Variants in DLG5 observed in about 807,000 individuals in gnomAD.
The protein encoded by DLG5 is disks large homolog 5.
DLG5 carries 48 observed loss-of-function variants against 189.8 expected under a neutral mutation model. The observed-to-expected ratio is 0.25, with a 90% CI of 0.20 to 0.32. The LOEUF (loss-of-function observed/expected upper bound fraction) is 0.32. Ranked by LOEUF, DLG5 falls within the 10% of genes least tolerant of loss-of-function variation. The pLI, the probability that DLG5 is intolerant of heterozygous loss-of-function variation, is 1.00. For missense variants in DLG5, 2,160 were observed against 2,544.7 expected (o/e 0.85, Z 3.25); for synonymous variants, 1,016 against 1,054.1 (o/e 0.96, Z 0.70).
chr10:77,926,431 G>C lies in DLG5; in HGVS notation c.90C>G (p.Leu30=), dbSNP rs371440440. Reference sequence around the variant, plus strand: ...CGGGACTGAGCGCTCCCGCGGCCTCGAGCAGCCCGAGCACGGCTTCCACCT... The same window carrying C: ...CGGGACTGAGCGCTCCCGCGGCCTCCAGCAGCCCGAGCACGGCTTCCACCT... ...MTEVEAVLGL[L]EAAGALSPGE... The change falls in exon 1 of 32, where the codon CTC becomes CTG. Residue 30 remains leucine (L), a synonymous_variant. Coordinates refer to ENST00000372391, the MANE Select transcript of DLG5 (RefSeq NM_004747.4). This position sits in a 1 kb window ranked among gnomAD's most constrained non-coding sequence, Gnocchi z 5.2. 10 of 1,567,264 alleles carry C rather than the reference G, an allele frequency of 6.4e-6. No individual in the cohort carries two copies. In the African/African-American group the frequency reaches 9.6e-5, roughly 15 times the overall value.
At chr10:77,798,877 G>A (rs1218211086) in intron 27 of DLG5, among the ~76,000 whole-genome samples, 1 of 152,162 alleles carries the variant, frequency 6.6e-6, no homozygotes, top group Non-Finnish European at 1.5e-5. Flanking sequence ...ACTGAGATGG[G>A]AAGATGCTAA....
intron 5 of DLG5, among the ~76,000 whole-genome samples, chr10:77,852,621 T>C (rs1413102245): frequency 6.6e-6 from 1 of 151,988 alleles, no homozygotes; most frequent in Non-Finnish European, 1.5e-5. Flanking sequence ...TTCGCCATGT[T>C]AGGATGGTCT....
At chr10:77,838,450 TC>T (rs947816556) in intron 7 of DLG5, among the ~76,000 whole-genome samples, 1 of 151,924 alleles carries the variant, frequency 6.6e-6, no homozygotes, top group African/African-American at 2.4e-5. Flanking sequence ...AGGATATCTC[TC>T]CCCTGGGAGC....
chr10:77,812,039 G>A lies in DLG5; in HGVS notation c.4207C>T (p.Arg1403Trp). The change falls in exon 22 of 32, where the codon CGG becomes TGG. Residue 1403 changes from arginine (R) to tryptophan (W), a missense_variant. Coordinates refer to ENST00000372391, the MANE Select transcript of DLG5 (RefSeq NM_004747.4). ...QLLEFNGINL[R>W]SATEQQARLI... is the part of the protein sequence containing the mutation. ...CGCGCCTGCTGCTCCGTGGCGCTCC[G>A]CAGGTTTATGCCGTTGAACTGGGGA... 1 of 1,610,402 alleles carries A rather than the reference G, an allele frequency of 6.2e-7. No individual in the cohort carries two copies. The highest frequency in any genetic ancestry group is 8.5e-7 in the Non-Finnish European group (1 of 1,179,996).
intron 1 of DLG5, among the ~76,000 whole-genome samples, chr10:77,882,238 T>C (rs1224601408): frequency 1.3e-5 from 2 of 152,234 alleles, no homozygotes; most frequent in African/African-American, 2.4e-5. Flanking sequence ...TGGATGGACA[T>C]GGGCTCCCTC....
At chr10:77,861,730 T>C (rs7903035) in intron 2 of DLG5, among the ~76,000 whole-genome samples, 1,555 of 152,286 alleles carry the variant, frequency 0.01, 29 homozygotes, top group African/African-American at 0.035. Flanking sequence ...ACTACATGGC[T>C]AGGAAAATGG....
Position 77,820,931 on chromosome 10 carries a change from G to A in DLG5, c.3402+151C>T. ...ACGCCACTTACCTACCTCCTAGCTG[G>A]GCCACTTCCCACTTGAGTCCAACAG... On this transcript the variant is annotated intron_variant, in intron 15 of 31. Coordinates refer to ENST00000372391, the MANE Select transcript of DLG5 (RefSeq NM_004747.4). 6 of 998,846 alleles carry A rather than the reference G, an allele frequency of 6.0e-6. No homozygotes were observed. In the South Asian group the frequency reaches 9.2e-5, roughly 15 times the overall value. 61.9% of individuals were successfully genotyped at this position (998,846 alleles called of 1,614,324 possible). A position where few individuals can be genotyped will look rare whatever the true frequency, so the allele number is the denominator to read the frequency against.
intron 13 of DLG5, chr10:77,824,775 G>A (rs1842537449): frequency 3.1e-6 from 1 of 326,064 alleles, no homozygotes; most frequent in African/African-American, 2.1e-5. Context: ...CCGGCCATGT[G>A]GCGTGGGACC....
intron 6 of DLG5, 98 bp from the exon 7 acceptor site, chr10:77,842,291 A>T: frequency 7.1e-7 from 1 of 1,408,024 alleles, no homozygotes; most frequent in South Asian, 1.4e-5. Flanking sequence ...TGTGCTGGAC[A>T]GTCAAGCGTG....
chr10:77,830,677 G>A, intron 10 of DLG5, 64 bp downstream of exon 10: 1 of 1,588,660 alleles, frequency 6.3e-7, no homozygotes. Context: ...GATACTGCAA[G>A]CGGGTCACCG....
intron 15 of DLG5, 63 bp from the exon 16 acceptor site, chr10:77,820,081 C>T: frequency 1.9e-6 from 3 of 1,600,168 alleles, no homozygotes; most frequent in Non-Finnish European, 2.5e-6. Flanking sequence ...CGCAGTGGCT[C>T]ACACCTATAA....
chr10:77,819,562 T>A (rs566012538), intron 16 of DLG5, 97 bp from the exon 17 acceptor site: 16 of 1,457,088 alleles, frequency 1.1e-5, no homozygotes, highest in Middle Eastern at 2.5e-4. Context: ...GCAGCCGCAG[T>A]CTTTTGGGAA....
At chr10:77,838,438 C>T (rs74140377) in intron 7 of DLG5, among the ~76,000 whole-genome samples, 8 of 152,184 alleles carry the variant, frequency 5.3e-5, no homozygotes, top group South Asian at 2.1e-4. Flanking sequence ...GGGGAGCTCC[C>T]GAGGATATCT....
At position 77,835,929 on chromosome 10, in the gene DLG5, G is replaced by A. The variant is rs775918571; in HGVS notation, c.1438-7C>T. On this transcript the variant is annotated splice_polypyrimidine_tract_variant and splice_region_variant and intron_variant, in intron 7 of 31. Transcript: ENST00000372391. The stretch of plus-strand genomic sequence containing the variant: ...TTGTCACCGTGTCTTTGATCTGGTG[G>A]GAGCAAGGGGCAGGAAGAGGGAGAG... 1 of 1,606,542 alleles carries A rather than the reference G, an allele frequency of 6.2e-7. No individual in the cohort carries two copies. Among genetic ancestry groups the A allele is most frequent in the South Asian group, 1.1e-5 (1 of 90,794 alleles).
chr10:77,810,972 A>C (rs1193762486), intron 23 of DLG5, 122 bp downstream of exon 23: 1 of 1,242,074 alleles, frequency 8.1e-7, no homozygotes, highest in African/African-American at 1.5e-5. Flanking sequence ...ACTCCTGAAG[A>C]CCTGGTGTGC....
intron 1 of DLG5, among the ~76,000 whole-genome samples, chr10:77,903,266 A>G (rs1449105709): frequency 6.6e-6 from 1 of 151,982 alleles, no homozygotes; most frequent in African/African-American, 2.4e-5. Context: ...CGTCTCTACT[A>G]AAAATACAAA....
rs905186111 is a variant in DLG5, at chr10:77,913,788, C to T, written c.304+12429G>A. On this transcript the variant is annotated intron_variant, in intron 1 of 31. Coordinates refer to ENST00000372391, the MANE Select transcript of DLG5 (RefSeq NM_004747.4). ...TATTTTTGTAGACATGGGGTTTTGC[C>T]GTGTTGCCCAGGCTGGTCTCAAACT... 5.9e-5 allele frequency among the ~76,000 whole-genome samples: 9 copies of T among 151,912 alleles called. No individual in the cohort carries two copies. The East Asian group carries it at 1.7e-3, about 29-fold the overall frequency.
intron 20 of DLG5, 41 bp from the exon 21 acceptor site, chr10:77,812,418 A>C (rs747505160): frequency 1.6e-5 from 25 of 1,593,696 alleles, no homozygotes; most frequent in Non-Finnish European, 1.7e-6. Flanking sequence ...AGGGTCAAAC[A>C]AAAGGGTTGG....
chr10:77,811,056 A>C, intron 23 of DLG5, 38 bp downstream of exon 23: 1 of 1,597,932 alleles, frequency 6.3e-7, no homozygotes, highest in Admixed American at 1.7e-5. Context: ...ACCCAGCCGA[A>C]GCGGACACAG....
Sources: gnomAD v4.1 joint callset for allele counts (sites outside exome capture counted in the v4.1 genomes callset) on GRCh38, gnomAD v4.1.1 for gene constraint, Gnocchi (gnomAD v3.1) non-coding constraint, MANE v1.5 for transcripts, NCBI Gene and HGNC (gene_info 2026-07-23, HGNC 2026-07-21) for gene names.